GBP5: variants seen among roughly 807,000 people sequenced by gnomAD.
GBP5 encodes guanylate-binding protein 5.
A neutral mutation model predicts 58.2 loss-of-function variants in GBP5; 48 were observed. The ratio of observed to expected loss-of-function variants is 0.83; its 90% CI spans 0.65 to 1.05. The LOEUF (loss-of-function observed/expected upper bound fraction) is 1.05. Among genes scored for constraint, GBP5 ranks in the 50% least tolerant of loss-of-function variants. The pLI is 0.00. For synonymous variants in GBP5, 248 were observed against 251.8 expected, an observed-to-expected ratio of 0.98 and a Z score of 0.14; for missense variants, 714 against 686.8, an observed-to-expected ratio of 1.04 and a Z score of -0.44.
rs760424517 is a variant in GBP5 at position 89,267,578 on chromosome 1, G to A, written c.319-52C>T. On this transcript the variant is annotated intron_variant, in intron 4 of 11. Coordinates refer to ENST00000370459, the MANE Select transcript of GBP5 (RefSeq NM_052942.5). ...TGTCTCATGGGATTCCCAGATGAGCGATATTTAAAAATAGGCTCTTGTCAT... is the reference window on the plus strand; with the variant it reads ...TGTCTCATGGGATTCCCAGATGAGCAATATTTAAAAATAGGCTCTTGTCAT... 1.2e-5 allele frequency: 13 copies of A among 1,098,280 alleles called. No homozygotes were observed. The East Asian group carries it at 2.1e-4, about 18-fold the overall frequency. 68.0% of individuals were successfully genotyped at this position (1,098,280 alleles called of 1,614,324 possible).
chr1:89,265,108 A>G, intron 7 of GBP5, 142 bp from the exon 8 acceptor site: 1 of 747,718 alleles, frequency 1.3e-6, no homozygotes, highest in Non-Finnish European at 2.1e-6. Flanking sequence ...GGCCCAAATA[A>G]GTTTATTTGG....
At chr1:89,262,612 A>G in intron 10 of GBP5, 71 bp downstream of exon 10, 2 of 1,134,090 alleles carry the variant, frequency 1.8e-6, no homozygotes, top group Non-Finnish European at 2.6e-6. Context: ...ACATCCCATG[A>G]GGGCCAGGCC....
intron 6 of GBP5, 44 bp from the exon 7 acceptor site, chr1:89,266,632 T>C: frequency 2.0e-6 from 3 of 1,517,232 alleles, no homozygotes; most frequent in Non-Finnish European, 2.7e-6. Flanking sequence ...GACTTTGCAC[T>C]CATTTTCATT....
Position 89,267,491 on chromosome 1 carries a change from C to A in GBP5, c.354G>T (p.Leu118=), listed in dbSNP as rs1302795620. 4 of 1,613,822 alleles carry A rather than the reference C, an allele frequency of 2.5e-6. No homozygotes were observed. The highest frequency in any genetic ancestry group is 3.4e-6 in the Non-Finnish European group (4 of 1,179,872). ...CAAAGGTGCTGCTCAGTAAGAGTGC[C>A]AGTGCAAAGATCTGGATATCATTCT... ...DNKNDIQIFA[L]ALLLSSTFVY... is the part of the protein sequence containing the mutation. The change falls in exon 5 of 12, where the codon CTG becomes CTT. Residue 118 remains leucine, a synonymous_variant. Coordinates refer to ENST00000370459, the MANE Select transcript of GBP5 (RefSeq NM_052942.5).
chr1:89,265,074 T>C, intron 7 of GBP5, 108 bp from the exon 8 acceptor site: 1 of 1,103,340 alleles, frequency 9.1e-7, no homozygotes, highest in Non-Finnish European at 1.3e-6. Flanking sequence ...TGAAATTGTT[T>C]AGCATTATGG....
At chr1:89,272,175 G>A (rs551030500) in intron 1 of GBP5, 2 of 152,284 alleles carry the variant, frequency 1.3e-5, no homozygotes, top group Non-Finnish European at 2.9e-5. Flanking sequence ...TGGAAATTAT[G>A]ATCCTGAATA....
At chr1:89,264,653 T>C (rs1650135531) in intron 8 of GBP5, 33 bp downstream of exon 8, 3 of 1,601,270 alleles carry the variant, frequency 1.9e-6, no homozygotes, top group African/African-American at 2.7e-5. Context: ...CTTCTTGACC[T>C]TAATCCCCAT....
At position 89,269,428 on chromosome 1, in the gene GBP5, A is replaced by G; in HGVS notation, c.128T>C (p.Ile43Thr). 1.2e-6 allele frequency: 2 copies of G among 1,614,090 alleles called. No homozygotes were observed. Among genetic ancestry groups the G allele is most frequent in the East Asian group, 2.2e-5 (1 of 44,864 alleles). The change falls in exon 3 of 12, where the codon ATT becomes ACT. Residue 43 changes from isoleucine to threonine, a missense_variant. By Grantham distance (89) the Ile-to-Thr change is moderately conservative (BLOSUM62 -1). Coordinates refer to ENST00000370459, the MANE Select transcript of GBP5 (RefSeq NM_052942.5). ...AITQPVVVVA[I>T]VGLYRTGKSY... ...TTTGCCAGTGCGATAGAGGCCCACAATCGCTACCACAACTACAGGTTGCGT... is the reference window on the plus strand; with the variant it reads ...TTTGCCAGTGCGATAGAGGCCCACAGTCGCTACCACAACTACAGGTTGCGT...
At chr1:89,264,637 C>A (rs376668686) in intron 8 of GBP5, 49 bp downstream of exon 8, 14 of 1,536,538 alleles carry the variant, frequency 9.1e-6, no homozygotes, top group African/African-American at 1.4e-5. Flanking sequence ...CAAAGCAATA[C>A]TTTGCCTTCT....
rs1018547464 is a variant in GBP5, at chr1:89,256,202, T to G, written c.*4502A>C. Among the ~76,000 whole-genome samples the G allele has an allele frequency of 6.6e-6, 1 of 152,178 alleles. No individual in the cohort carries two copies. Among genetic ancestry groups the G allele is most frequent in the African/African-American group, 2.4e-5 (1 of 41,438 alleles). On this transcript the variant is annotated 3_prime_UTR_variant, in exon 12 of 12. Coordinates refer to ENST00000370459, the MANE Select transcript of GBP5 (RefSeq NM_052942.5). ...CACACAATGAACTAGATGAATCTTA[T>G]AAAGATTTTATTAACAAATGAAGCA...
At position 89,266,597 on chromosome 1, in the gene GBP5, TA is replaced by T; in HGVS notation, c.626-10del. The T allele has an allele frequency of 6.2e-7, 1 of 1,600,794 alleles. No homozygotes were observed. Among genetic ancestry groups the T allele is most frequent in the Non-Finnish European group, 8.5e-7 (1 of 1,172,776 alleles). ...AACTCTTTGATCACTACCTGGAGAA[TA>T]AAAAATAGGATTTATTTAGCATAGA... On this transcript the variant is annotated splice_polypyrimidine_tract_variant and intron_variant, in intron 6 of 11. Coordinates refer to ENST00000370459, the MANE Select transcript of GBP5 (RefSeq NM_052942.5).
In GBP5 at chr1:89,266,606, G is replaced by A. The variant is rs1338119311; in HGVS notation, c.626-18C>T. The A allele has an allele frequency of 5.0e-6, 8 of 1,598,804 alleles. No individual in the cohort carries two copies. The highest frequency in any genetic ancestry group is 1.3e-5 in the African/African-American group (1 of 74,108). ...ATCACTACCTGGAGAATAAAAAATAGGATTTATTTAGCATAGACTTTGCAC... is the reference window on the plus strand; with the variant it reads ...ATCACTACCTGGAGAATAAAAAATAAGATTTATTTAGCATAGACTTTGCAC... On this transcript the variant is annotated intron_variant, in intron 6 of 11. Transcript: ENST00000370459.
chr1:89,266,821 TTTA>T (rs1650238488), intron 6 of GBP5, 133 bp downstream of exon 6: 2 of 616,498 alleles, frequency 3.2e-6, no homozygotes, highest in Non-Finnish European at 5.1e-6. Flanking sequence ...AACAAAAATA[TTTA>T]TTATTTATTT....
chr1:89,264,123 A>C (rs1356852730), intron 8 of GBP5, among the ~76,000 whole-genome samples, 175 bp from the exon 9 acceptor site: 1 of 152,150 alleles, frequency 6.6e-6, no homozygotes, highest in African/African-American at 2.4e-5. Flanking sequence ...ACTCTATAGA[A>C]AAATGACATT....
chr1:89,269,550 A>T lies in GBP5; in HGVS notation c.6T>A (p.Ala2=), dbSNP rs776336942. 1 of 1,612,038 alleles carries T rather than the reference A, an allele frequency of 6.2e-7. No homozygotes were observed. The highest frequency in any genetic ancestry group is 8.5e-7 in the Non-Finnish European group (1 of 1,178,208). The change falls in exon 3 of 12, where the codon GCT becomes GCA. Residue 2 remains alanine (A), a synonymous_variant. Coordinates refer to ENST00000370459, the MANE Select transcript of GBP5 (RefSeq NM_052942.5). The part of the protein sequence containing the change: M[A]LEIHMSDPMC... ...TGGGGTCTGACATGTGGATCTCTAA[A>T]GCCATGTCTAGGATGTTACTTTGCC...
At chr1:89,265,097 T>A (rs1650160307) in intron 7 of GBP5, 131 bp from the exon 8 acceptor site, 2 of 832,628 alleles carry the variant, frequency 2.4e-6, no homozygotes, top group Non-Finnish European at 3.7e-6. Context: ...AGTAGTCAAG[T>A]GGCCCAAATA....
At chr1:89,264,109 T>C (rs1650118082) in intron 8 of GBP5, among the ~76,000 whole-genome samples, 161 bp from the exon 9 acceptor site, 1 of 152,108 alleles carries the variant, frequency 6.6e-6, no homozygotes, top group Non-Finnish European at 1.5e-5. Context: ...ATTCCAAGGA[T>C]GATACTCTAT....
rs374743187 is a variant in GBP5, at chr1:89,269,529, G to A, written c.27C>T (p.Asp9=). The change falls in exon 3 of 12, where the codon GAC becomes GAT. Residue 9 remains aspartate (D), a synonymous_variant. Coordinates refer to ENST00000370459, the MANE Select transcript of GBP5 (RefSeq NM_052942.5). Reference sequence around the variant, plus strand: ...TAAAGTTCTCGATGAGGCACATGGGGTCTGACATGTGGATCTCTAAAGCCA... The same window carrying A: ...TAAAGTTCTCGATGAGGCACATGGGATCTGACATGTGGATCTCTAAAGCCA... MALEIHMS[D]PMCLIENFNE... 2 of 1,613,468 alleles carry A rather than the reference G, an allele frequency of 1.2e-6. No homozygotes were observed. The highest frequency in any genetic ancestry group is 1.3e-5 in the African/African-American group (1 of 74,890).
In GBP5 at chr1:89,268,763, A is replaced by G. The variant is rs775516898; in HGVS notation, c.284T>C (p.Leu95Pro). The G allele has an allele frequency of 1.2e-6, 2 of 1,613,956 alleles. No homozygotes were observed. Among genetic ancestry groups the G allele is most frequent in the Non-Finnish European group, 1.7e-6 (2 of 1,179,984 alleles). ...ATCTCCCAGGCCCTCGGTGTCAAGC[A>G]GAACTAATGTGTGATTTGGCCAGTT... The part of the protein sequence containing the change: ...HPNWPNHTLV[L>P]LDTEGLGDVE... Residue 95 changes from leucine (L) to proline (P), a missense_variant, in exon 4 of 12, where the codon CTG (leucine) becomes CCG (proline). Leu to Pro is a moderately conservative substitution (Grantham distance 98, BLOSUM62 -3). Coordinates refer to ENST00000370459, the MANE Select transcript of GBP5 (RefSeq NM_052942.5).
Sources: gnomAD v4.1 joint callset for allele counts (sites outside exome capture counted in the v4.1 genomes callset) on GRCh38, gnomAD v4.1.1 for gene constraint, MANE v1.5 for transcripts, NCBI Gene and HGNC (gene_info 2026-07-23, HGNC 2026-07-21) for gene names.